The following CASP4 variants were observed in gnomAD, a reference collection of about 807,000 sequenced individuals.
CASP4 encodes the protein caspase 4.
Under a neutral mutation model 41.3 loss-of-function variants are expected in CASP4, and 29 were observed. The ratio of observed to expected loss-of-function variants is 0.70; its 90% CI spans 0.52 to 0.96. The LOEUF is 0.96. Among genes scored for constraint, CASP4 ranks in the 40% least tolerant of loss-of-function variants. The pLI is 0.00. For missense variants in CASP4, 447 were observed against 460.6 expected, an observed-to-expected ratio of 0.97 and a Z score of 0.27; for synonymous variants, 185 against 158.4, an observed-to-expected ratio of 1.17 and a Z score of -1.26.
At chr11:104,960,750 C>T (rs974644209) in intron 1 of CASP4, among the ~76,000 whole-genome samples, 2 of 152,182 alleles carry the variant, frequency 1.3e-5, no homozygotes, top group Non-Finnish European at 2.9e-5. Context: ...TATTGGATTA[C>T]AGGCCTGAGC....
intron 1 of CASP4, among the ~76,000 whole-genome samples, chr11:104,967,598 G>C (rs750400337): frequency 6.6e-6 from 1 of 152,148 alleles, no homozygotes; most frequent in Non-Finnish European, 1.5e-5. Flanking sequence ...TTTCCTAATA[G>C]AACAAACCTA....
intron 1 of CASP4, among the ~76,000 whole-genome samples, chr11:104,964,084 A>G (rs956595559): frequency 1.3e-5 from 2 of 152,252 alleles, no homozygotes; most frequent in Non-Finnish European, 2.9e-5. Context: ...ATTGTTATAC[A>G]AAATTGTTGG....
chr11:104,952,628 T>C (rs1860643624), intron 2 of CASP4, among the ~76,000 whole-genome samples: 1 of 152,136 alleles, frequency 6.6e-6, no homozygotes, highest in African/African-American at 2.4e-5. Context: ...CCACTACACA[T>C]ACAGATAAAT....
chr11:104,947,171 CTGTCTCTCCAGGACACGT>C lies in CASP4; in HGVS notation c.929_946del (p.Asn310_Asp315del), dbSNP rs1377892952. On this transcript the variant is annotated inframe_deletion, in exon 7 of 9. Transcript: ENST00000444739. The stretch of plus-strand genomic sequence containing the variant: ...TGTGATGAAGATAGAGCCCATTGTG[CTGTCTCTCCAGGACACGT>C]TGTCTATAATGATACAGATGGGTAT... 4 of 1,610,830 alleles carry C rather than the reference CTGTCTCTCCAGGACACGT, an allele frequency of 2.5e-6. No homozygotes were observed. The Admixed American group carries it at 5.0e-5, about 20-fold the overall frequency.
intron 1 of CASP4, among the ~76,000 whole-genome samples, chr11:104,959,217 A>G (rs972043392): frequency 1.3e-5 from 2 of 152,148 alleles, no homozygotes; most frequent in African/African-American, 4.8e-5. Flanking sequence ...GATGAAGAAA[A>G]TGTGGATTAT....
intron 1 of CASP4, among the ~76,000 whole-genome samples, chr11:104,960,132 C>G (rs1362773289): frequency 1.3e-5 from 2 of 152,114 alleles, no homozygotes; most frequent in African/African-American, 4.8e-5. Context: ...ATTTAGGGGT[C>G]TCTGTATTTC....
At chr11:104,949,900 C>CA in intron 4 of CASP4, 123 bp from the exon 5 acceptor site, 1 of 852,816 alleles carries the variant, frequency 1.2e-6, no homozygotes, top group South Asian at 1.6e-5. Context: ...TCACTTAGTG[C>CA]TTACTCAGTC....
chr11:104,949,873 A>G (rs1860565418), intron 4 of CASP4, 96 bp from the exon 5 acceptor site: 2 of 1,154,078 alleles, frequency 1.7e-6, no homozygotes, highest in African/African-American at 3.0e-5. Context: ...CATATGTAAC[A>G]TCCAGGTCGT....
intron 1 of CASP4, among the ~76,000 whole-genome samples, chr11:104,957,579 A>C (rs579408): frequency 9.9e-5 from 15 of 151,874 alleles, no homozygotes; most frequent in Non-Finnish European, 1.5e-5. Flanking sequence ...CTCAAAAATA[A>C]CAGCAATAAT....
intron 1 of CASP4, among the ~76,000 whole-genome samples, chr11:104,960,384 C>G (rs1860831526): frequency 6.6e-6 from 1 of 152,118 alleles, no homozygotes; most frequent in Non-Finnish European, 1.5e-5. Flanking sequence ...TCTGATTCTT[C>G]CAGAGGAGAC....
intron 5 of CASP4, chr11:104,949,093 G>C (rs1038089603): frequency 4.3e-6 from 1 of 233,120 alleles, no homozygotes; most frequent in Non-Finnish European, 8.5e-6. Context: ...AAGTGGCACT[G>C]CAACATTCTA....
chr11:104,968,442 T>G, intron 1 of CASP4, 77 bp downstream of exon 1: 1 of 1,325,752 alleles, frequency 7.5e-7, no homozygotes, highest in Non-Finnish European at 1.1e-6. Context: ...ACTTCCTTTC[T>G]TGTGTTTATT....
At chr11:104,959,745 G>A (rs1860817221) in intron 1 of CASP4, among the ~76,000 whole-genome samples, 1 of 152,058 alleles carries the variant, frequency 6.6e-6, no homozygotes, top group Non-Finnish European at 1.5e-5. Flanking sequence ...CAAAAGAGCA[G>A]CAATACCTGG....
chr11:104,949,373 AT>A, intron 5 of CASP4, 169 bp downstream of exon 5: 2 of 688,516 alleles, frequency 2.9e-6, no homozygotes, highest in Non-Finnish European at 4.9e-6. Flanking sequence ...ACTAATTTTG[AT>A]GAGACAATTT....
At chr11:104,946,290 C>T (rs2134632927) in intron 7 of CASP4, among the ~76,000 whole-genome samples, 1 of 152,264 alleles carries the variant, frequency 6.6e-6, no homozygotes, top group East Asian at 1.9e-4. Context: ...CAAGAGGGTG[C>T]ATTTATCTGT....
chr11:104,949,486 A>G (rs1352561205), intron 5 of CASP4, 57 bp downstream of exon 5: 1 of 1,568,646 alleles, frequency 6.4e-7, no homozygotes, highest in Non-Finnish European at 8.8e-7. Context: ...TAAACCAAAC[A>G]TCACAATCCT....
chr11:104,943,096 T>C (rs1307671227), intron 8 of CASP4, 123 bp from the exon 9 acceptor site: 2 of 393,760 alleles, frequency 5.1e-6, no homozygotes, highest in Admixed American at 3.2e-5. Flanking sequence ...TTGACTTCCA[T>C]CTGTGACATC....
intron 1 of CASP4, among the ~76,000 whole-genome samples, chr11:104,956,207 A>G (rs1339665490): frequency 3.3e-5 from 5 of 152,130 alleles, no homozygotes; most frequent in Non-Finnish European, 7.4e-5. Flanking sequence ...ACAAATGTTA[A>G]TATACTGGAC....
intron 1 of CASP4, among the ~76,000 whole-genome samples, chr11:104,964,379 C>CAA (rs1860927822): frequency 6.6e-6 from 1 of 152,162 alleles, no homozygotes; most frequent in Non-Finnish European, 1.5e-5. Flanking sequence ...GAGATATTTG[C>CAA]AACTTTTAAC....
Sources: allele counts gnomAD v4.1 joint callset (sites outside exome capture counted in the v4.1 genomes callset), GRCh38; gene constraint gnomAD v4.1.1; transcripts MANE v1.5; gene names NCBI Gene and HGNC (gene_info 2026-07-23, HGNC 2026-07-21).